FRAS1: variants seen among roughly 807,000 people sequenced by gnomAD.
FRAS1 encodes the protein extracellular matrix organizing protein FRAS1.
In FRAS1, 290 loss-of-function variants were observed where a neutral mutation model predicts 435.2. The observed-to-expected ratio is 0.67, with a 90% CI of 0.61 to 0.73. FRAS1 has a LOEUF of 0.73. FRAS1 is among the 30% of genes least tolerant of loss of function. FRAS1 has a pLI of 0.00. For synonymous variants in FRAS1, 1,800 were observed against 1,851.0 expected (o/e 0.97, Z 0.71); for missense variants, 4,860 against 5,001.5 (o/e 0.97, Z 0.85).
chr4:78,289,723 T>G (rs1246168942), intron 14 of FRAS1, among the ~76,000 whole-genome samples: 4 of 152,202 alleles, frequency 2.6e-5, no homozygotes, highest in African/African-American at 9.7e-5. Context: ...TTCCTGCCGC[T>G]TGCCCTGCTC....
At chr4:78,392,715 A>T (rs1287115615) in intron 29 of FRAS1, among the ~76,000 whole-genome samples, 4 of 135,294 alleles carry the variant, frequency 3.0e-5, no homozygotes, top group Non-Finnish European at 6.3e-5. Context: ...CCTCTGGAGG[A>T]TCTATAAAAC....
At chr4:78,296,477 C>T (rs757414174) in intron 14 of FRAS1, among the ~76,000 whole-genome samples, 5 of 152,192 alleles carry the variant, frequency 3.3e-5, no homozygotes, top group South Asian at 4.1e-4. Flanking sequence ...GGAGTTTTAG[C>T]GTCTCAGGCA....
chr4:78,203,092 A>G (rs1170744792), intron 2 of FRAS1, among the ~76,000 whole-genome samples: 2 of 152,232 alleles, frequency 1.3e-5, no homozygotes, highest in Non-Finnish European at 2.9e-5. Context: ...CATAATGCCA[A>G]TTTTGGGAGT....
chr4:78,059,693 AG>A (rs1385349083), intron 1 of FRAS1, among the ~76,000 whole-genome samples: 3 of 152,012 alleles, frequency 2.0e-5, no homozygotes, highest in Admixed American at 2.0e-4. Flanking sequence ...ATAGCTCACC[AG>A]GGGGCAGTTG....
At chr4:78,172,340 GA>G (rs1209480713) in intron 2 of FRAS1, among the ~76,000 whole-genome samples, 4 of 152,158 alleles carry the variant, frequency 2.6e-5, no homozygotes, top group South Asian at 4.1e-4. Context: ...ACCAAGATGG[GA>G]AAAAACAGAC....
intron 59 of FRAS1, among the ~76,000 whole-genome samples, chr4:78,494,961 A>C (rs1186815387): frequency 1.3e-5 from 2 of 152,208 alleles, no homozygotes; most frequent in African/African-American, 2.4e-5. Flanking sequence ...CTAGAAGTGC[A>C]TGAGGGTTGC....
rs190640425 is a variant in FRAS1, at chr4:78,400,229, C to T, written c.3976-505C>T. On this transcript the variant is annotated intron_variant, in intron 29 of 73. Coordinates refer to ENST00000512123, the MANE Select transcript of FRAS1 (RefSeq NM_025074.7). The stretch of plus-strand genomic sequence containing the variant: ...CTTCCCGAGTCTTCCTTCCTCTATT[C>T]TCCCACAGCTCCCTGCTCAAGCTTC... 4.5e-3 allele frequency among the ~76,000 whole-genome samples: 690 copies of T among 152,296 alleles called. 1 individual carries two copies. Among genetic ancestry groups the T allele is most frequent in the South Asian group, 0.013 (62 of 4,824 alleles).
At chr4:78,393,461 A>G (rs1017164150) in intron 29 of FRAS1, among the ~76,000 whole-genome samples, 3 of 152,026 alleles carry the variant, frequency 2.0e-5, no homozygotes. Flanking sequence ...GCCCCTTGCA[A>G]CTGCCATTCT....
At chr4:78,072,113 T>C (rs1303988248) in intron 2 of FRAS1, 1 of 152,134 alleles carries the variant, frequency 6.6e-6, no homozygotes, top group African/African-American at 2.4e-5. Context: ...AAATTACAGT[T>C]AATTGTACAT....
intron 14 of FRAS1, among the ~76,000 whole-genome samples, chr4:78,300,445 C>G (rs1035386851): frequency 6.6e-6 from 1 of 152,134 alleles, no homozygotes; most frequent in African/African-American, 2.4e-5. Context: ...ATGGAGCTTA[C>G]GGTCTCACAA....
At chr4:78,500,982 T>A (rs1258510540) in intron 61 of FRAS1, among the ~76,000 whole-genome samples, 1 of 152,182 alleles carries the variant, frequency 6.6e-6, no homozygotes, top group East Asian at 1.9e-4. Flanking sequence ...TTTTTATATA[T>A]ATACTTTAAG....
chr4:78,470,083 G>C lies in FRAS1; in HGVS notation c.7363G>C (p.Asp2455His), dbSNP rs761546958. The change falls in exon 51 of 74, where the codon GAT (aspartate) becomes CAT (histidine). Residue 2455 changes from aspartate to histidine, a missense_variant. Physicochemically the swap from Asp to His is moderately conservative, Grantham distance 81 (BLOSUM62 -1). Transcript: ENST00000512123. ...NLGLQWLEYM[D>H]GKATNLITKK... Reference sequence around the variant, plus strand: ...GGGACTCCAGTGGCTGGAATACATGGATGGCAAGGTAAGGCCTGTCCCTCT... The same window carrying C: ...GGGACTCCAGTGGCTGGAATACATGCATGGCAAGGTAAGGCCTGTCCCTCT... 6.2e-7 allele frequency: 1 copy of C among 1,610,784 alleles called. No individual in the cohort carries two copies. The highest frequency in any genetic ancestry group is 1.1e-5 in the South Asian group (1 of 90,698).
At chr4:78,171,053 C>T (rs1721530470) in intron 2 of FRAS1, among the ~76,000 whole-genome samples, 1 of 152,068 alleles carries the variant, frequency 6.6e-6, no homozygotes, top group Non-Finnish European at 1.5e-5. Context: ...AATTTTAGGG[C>T]TCACGAATCT....
chr4:78,282,396 CAG>C (rs1460585749), intron 11 of FRAS1, among the ~76,000 whole-genome samples: 1 of 152,184 alleles, frequency 6.6e-6, no homozygotes, highest in Non-Finnish European at 1.5e-5. Flanking sequence ...TAGGGAAATT[CAG>C]GTTTTTAGCC....
chr4:78,200,537 CTG>C (rs1325041323), intron 2 of FRAS1, among the ~76,000 whole-genome samples: 1 of 152,178 alleles, frequency 6.6e-6, no homozygotes, highest in Non-Finnish European at 1.5e-5. Context: ...TACTTGGAGG[CTG>C]TCTTTCACCT....
At chr4:78,234,168 A>C (rs1486344891) in intron 2 of FRAS1, among the ~76,000 whole-genome samples, 1 of 152,188 alleles carries the variant, frequency 6.6e-6, no homozygotes, top group Non-Finnish European at 1.5e-5. Context: ...CAGGAAACGT[A>C]CTACATTGTG....
intron 30 of FRAS1, among the ~76,000 whole-genome samples, chr4:78,406,556 C>T (rs751879989): frequency 6.6e-6 from 1 of 152,106 alleles, no homozygotes; most frequent in Middle Eastern, 3.2e-3. Flanking sequence ...TGGGAAAGAC[C>T]GGCCCCTATG....
intron 2 of FRAS1, among the ~76,000 whole-genome samples, chr4:78,116,456 T>C (rs1308666121): frequency 6.6e-6 from 1 of 152,204 alleles, no homozygotes; most frequent in African/African-American, 2.4e-5. Flanking sequence ...TATTATTGTG[T>C]GGGAGTCTAA....
chr4:78,117,639 C>A (rs1718711978), intron 2 of FRAS1, among the ~76,000 whole-genome samples: 1 of 151,974 alleles, frequency 6.6e-6, no homozygotes, highest in Non-Finnish European at 1.5e-5. Context: ...CTGAGGCTTG[C>A]ATTCATCATG....
Sources: allele counts gnomAD v4.1 joint callset (sites outside exome capture counted in the v4.1 genomes callset), GRCh38; gene constraint gnomAD v4.1.1; transcripts MANE v1.5; gene names NCBI Gene and HGNC (gene_info 2026-07-23, HGNC 2026-07-21).